The following PIK3C2G variants were observed in gnomAD, a reference collection of about 807,000 sequenced individuals.
The protein encoded by PIK3C2G is phosphatidylinositol 3-kinase C2 domain-containing subunit gamma.
A neutral mutation model predicts 181.1 loss-of-function variants in PIK3C2G; 168 were observed. That is an observed-to-expected ratio of 0.93 (90% confidence interval 0.82 to 1.05). The LOEUF (loss-of-function observed/expected upper bound fraction) is 1.05. Among genes scored for constraint, PIK3C2G ranks in the 50% least tolerant of loss-of-function variants. The probability of loss-of-function intolerance (pLI) is 0.00; values close to 1 mark genes in which losing one functional copy is unlikely to be tolerated. For missense variants in PIK3C2G, 1,869 were observed against 1,732.8 expected (o/e 1.08, Z -1.40); for synonymous variants, 573 against 592.2 (o/e 0.97, Z 0.47).
intron 18 of PIK3C2G, among the ~76,000 whole-genome samples, chr12:18,438,469 GA>G (rs1301168881): frequency 6.6e-6 from 1 of 151,854 alleles, no homozygotes; most frequent in African/African-American, 2.4e-5. Context: ...GTCTTGACAA[GA>G]TTGTCTTATG....
At chr12:18,682,946 C>T in the PIK3C2G span, among the ~76,000 whole-genome samples, 57,267 of 151,756 alleles carry the variant, frequency 0.38, 13,454 homozygotes, top group South Asian at 0.59. Context: ...ATTTCAAAAG[C>T]TTATAAATTC....
chr12:18,643,996 G>A (rs1674402639), intron 32 of PIK3C2G, among the ~76,000 whole-genome samples: 1 of 152,142 alleles, frequency 6.6e-6, no homozygotes, highest in African/African-American at 2.4e-5. Context: ...AGCCTTTTGT[G>A]AAAATAGTTC....
chr12:18,605,948 A>C (rs981078917), intron 30 of PIK3C2G, among the ~76,000 whole-genome samples: 2 of 152,216 alleles, frequency 1.3e-5, no homozygotes, highest in South Asian at 4.1e-4. Flanking sequence ...TGTAAAATGG[A>C]GATAATACAA....
intron 18 of PIK3C2G, among the ~76,000 whole-genome samples, chr12:18,457,410 T>C (rs1947688377): frequency 6.6e-6 from 1 of 152,168 alleles, no homozygotes; most frequent in South Asian, 2.1e-4. Context: ...CATCAGAAAA[T>C]TATATTGTCT....
rs114562293 is a variant in PIK3C2G, at chr12:18,588,934, C to A, written c.4012-5560C>A. The stretch of plus-strand genomic sequence containing the variant: ...TCATAAAAAAGAGCAAGATCATGTC[C>A]TCTTCAGGAACATGGATGGAGCTGG... On this transcript the variant is annotated intron_variant, in intron 29 of 32. Coordinates refer to ENST00000538779, the MANE Select transcript of PIK3C2G (RefSeq NM_001288772.2). Among the ~76,000 whole-genome samples the A allele has an allele frequency of 5.4e-3, 822 of 152,154 alleles. 5 individuals are homozygous for A. Among genetic ancestry groups the A allele is most frequent in the African/African-American group, 0.019 (786 of 41,542 alleles).
At chr12:18,643,362 A>C (rs1288450960) in intron 32 of PIK3C2G, among the ~76,000 whole-genome samples, 1 of 151,980 alleles carries the variant, frequency 6.6e-6, no homozygotes, top group Non-Finnish European at 1.5e-5. Context: ...TGGTCCATGC[A>C]TAGCCAATTC....
the PIK3C2G span, chr12:18,693,089 G>T: frequency 1.3e-6 from 2 of 1,513,616 alleles, no homozygotes; most frequent in Non-Finnish European, 1.8e-6. Flanking sequence ...ATCTGAGGGG[G>T]ACCCCAATGT....
intron 5 of PIK3C2G, among the ~76,000 whole-genome samples, chr12:18,301,953 TG>T (rs1418015864): frequency 6.6e-6 from 1 of 152,210 alleles, no homozygotes; most frequent in Non-Finnish European, 1.5e-5. Flanking sequence ...AGTGATTTCT[TG>T]TGATTCCTTT....
chr12:18,687,500 G>C, the PIK3C2G span, among the ~76,000 whole-genome samples: 7 of 152,006 alleles, frequency 4.6e-5, no homozygotes, highest in Admixed American at 2.0e-4. Context: ...GAGAAGAAAT[G>C]GCAATGCCAG....
intron 5 of PIK3C2G, among the ~76,000 whole-genome samples, chr12:18,294,421 G>C (rs1441733118): frequency 1.3e-5 from 2 of 151,864 alleles, no homozygotes; most frequent in Non-Finnish European, 2.9e-5. Context: ...TAATTTTTTG[G>C]TTAGAATAAT....
At chr12:18,592,878 T>G (rs1228056054) in intron 29 of PIK3C2G, among the ~76,000 whole-genome samples, 1 of 151,934 alleles carries the variant, frequency 6.6e-6, no homozygotes, top group Non-Finnish European at 1.5e-5. Flanking sequence ...GGGTTCAGCA[T>G]TAGATGGTTT....
chr12:18,426,687 A>G (rs905506392), intron 18 of PIK3C2G, among the ~76,000 whole-genome samples: 9 of 152,190 alleles, frequency 5.9e-5, no homozygotes, highest in African/African-American at 2.2e-4. Flanking sequence ...GCAAGTCAAT[A>G]TCATTTTGGA....
At chr12:18,559,096 C>A (rs1419216404) in intron 26 of PIK3C2G, among the ~76,000 whole-genome samples, 2 of 152,166 alleles carry the variant, frequency 1.3e-5, no homozygotes, top group Non-Finnish European at 2.9e-5. Context: ...AAACTGCTTA[C>A]AGTGGTTATT....
intron 29 of PIK3C2G, among the ~76,000 whole-genome samples, chr12:18,576,365 TG>T (rs1272590779): frequency 6.6e-6 from 1 of 152,126 alleles, no homozygotes; most frequent in Non-Finnish European, 1.5e-5. Flanking sequence ...AAAGGATGAA[TG>T]GTAATAGCAC....
the PIK3C2G span, among the ~76,000 whole-genome samples, chr12:18,656,610 C>G: frequency 6.6e-6 from 1 of 151,966 alleles, no homozygotes; most frequent in African/African-American, 2.4e-5. Flanking sequence ...GTTACATGCA[C>G]CTGGTGTCCC....
intron 7 of PIK3C2G, 96 bp downstream of exon 7, chr12:18,321,128 T>G: frequency 1.5e-6 from 1 of 672,802 alleles, no homozygotes; most frequent in Non-Finnish European, 2.6e-6. Context: ...AACTGTCCAT[T>G]CACTGGGACT....
At chr12:18,359,962 C>T (rs1037804587) in intron 11 of PIK3C2G, among the ~76,000 whole-genome samples, 2 of 152,008 alleles carry the variant, frequency 1.3e-5, no homozygotes, top group African/African-American at 2.4e-5. Flanking sequence ...AATCTGTTTA[C>T]TTTTAAAGTA....
intron 26 of PIK3C2G, among the ~76,000 whole-genome samples, chr12:18,553,422 G>T (rs1336936669): frequency 1.3e-5 from 2 of 152,026 alleles, no homozygotes; most frequent in African/African-American, 4.8e-5. Context: ...AGTTTGTTCT[G>T]ATTTGGTCAC....
intron 1 of PIK3C2G, among the ~76,000 whole-genome samples, chr12:18,276,847 A>G (rs938549428): frequency 3.9e-5 from 6 of 152,198 alleles, no homozygotes; most frequent in African/African-American, 7.2e-5. Context: ...ATTAAAGTCA[A>G]TATCTCTCAA....
Sources: allele counts gnomAD v4.1 joint callset (sites outside exome capture counted in the v4.1 genomes callset), GRCh38; gene constraint gnomAD v4.1.1; transcripts MANE v1.5; gene names NCBI Gene and HGNC (gene_info 2026-07-23, HGNC 2026-07-21).